KIF1A: variants seen among roughly 807,000 people sequenced by gnomAD.
KIF1A encodes the protein kinesin-like protein KIF1A.
Under a neutral mutation model 227.3 loss-of-function variants are expected in KIF1A, and 46 were observed. That is an observed-to-expected ratio of 0.20 (90% CI 0.16 to 0.26). The LOEUF is 0.26. KIF1A is among the 10% of genes least tolerant of loss of function. The pLI is 1.00. For synonymous variants in KIF1A, 1,022 were observed against 1,012.8 expected, an observed-to-expected ratio of 1.01 and a Z score of -0.17; for missense variants, 1,683 against 2,485.9, an observed-to-expected ratio of 0.68 and a Z score of 6.87.
chr2:240,769,193 G>A lies in KIF1A; in HGVS notation c.1437C>T (p.Ala479=), dbSNP rs375180690. ...CCTCCCTCATGGCCACACCCATCTC[G>A]GCCAGCAGGGCTTCCCTGGGGGAAC... is the stretch of plus-strand genomic sequence containing the variant. ...AIRMEREALL[A]EMGVAMREDG... is the part of the protein sequence containing the mutation. Residue 479 remains alanine, a synonymous_variant, in exon 17 of 49, where the codon GCC becomes GCT. Transcript: ENST00000498729. 3.6e-4 allele frequency: 582 copies of A among 1,609,758 alleles called. No homozygotes were observed. The highest frequency in any genetic ancestry group is 1.3e-3 in the Middle Eastern group (8 of 5,994).
In KIF1A at chr2:240,794,873, CAT is replaced by C. The variant is rs1290031771; in HGVS notation, c.106+2772_106+2773del. Among the ~76,000 whole-genome samples the C allele has an allele frequency of 4.6e-5, 7 of 152,298 alleles. No homozygotes were observed. In the East Asian group the frequency reaches 1.2e-3, roughly 25 times the overall value. On this transcript the variant is annotated intron_variant, in intron 2 of 48. Coordinates refer to ENST00000498729, the MANE Select transcript of KIF1A (RefSeq NM_001244008.2). The stretch of plus-strand genomic sequence containing the variant: ...GCTACAGTGGGCAGGACACTGATCT[CAT>C]GTGTTGTTTGGGCTCTGTGGCTCTT...
rs2047301858 is a variant in KIF1A at position 240,736,186 on chromosome 2, C to T, written c.4007+877G>A. Among the ~76,000 whole-genome samples the T allele has an allele frequency of 6.6e-6, 1 of 152,174 alleles. No homozygotes were observed. The highest frequency in any genetic ancestry group is 6.5e-5 in the Admixed American group (1 of 15,292). The stretch of plus-strand genomic sequence containing the variant: ...ACCCTCCTTCCTTATGACCCTGACC[C>T]TCCTTGCAGGGAGGCCCTCAAAGAC... On this transcript the variant is annotated intron_variant, in intron 38 of 48. Coordinates refer to ENST00000498729, the MANE Select transcript of KIF1A (RefSeq NM_001244008.2). The surrounding 1 kb of genome is among the most constrained non-coding windows in gnomAD (Gnocchi z 4.7).
Position 240,792,150 on chromosome 2 carries a change from G to T in KIF1A, c.107-2838C>A, listed in dbSNP as rs1193642741. 1.3e-5 allele frequency among the ~76,000 whole-genome samples: 2 copies of T among 152,166 alleles called. No individual in the cohort carries two copies. The highest frequency in any genetic ancestry group is 1.3e-4 in the Admixed American group (2 of 15,296). On this transcript the variant is annotated intron_variant, in intron 2 of 48. Coordinates refer to ENST00000498729, the MANE Select transcript of KIF1A (RefSeq NM_001244008.2). The surrounding 1 kb of genome is among the most constrained non-coding windows in gnomAD (Gnocchi z 4.5). ...ACGCACAGCCAGACTAGAAGCCAGG[G>T]TCCCCGCAACACCTCCCAGCCCTGA...
chr2:240,773,825 C>A (rs2052353084), intron 12 of KIF1A, among the ~76,000 whole-genome samples: 1 of 152,120 alleles, frequency 6.6e-6, no homozygotes, highest in South Asian at 2.1e-4. Context: ...GCCCACCCTG[C>A]CCATAAGACA....
chr2:240,741,503 C>T (rs2047963066), intron 34 of KIF1A, 126 bp from the exon 35 acceptor site: 2 of 688,212 alleles, frequency 2.9e-6, no homozygotes, highest in African/African-American at 3.6e-5. Context: ...TCCCCCTCCT[C>T]AAGGGAAACA....
intron 6 of KIF1A, among the ~76,000 whole-genome samples, chr2:240,786,037 C>G (rs914260808): frequency 6.6e-6 from 1 of 152,142 alleles, no homozygotes; most frequent in Non-Finnish European, 1.5e-5. Flanking sequence ...AGAGCAGCTG[C>G]CCCATCGAAG....
chr2:240,745,974 G>C, intron 30 of KIF1A, 65 bp from the exon 31 acceptor site: 2 of 1,595,962 alleles, frequency 1.3e-6, no homozygotes, highest in Non-Finnish European at 1.7e-6. Context: ...CACAGGCCTG[G>C]GCCGGGCTCA....
Position 240,775,934 on chromosome 2 carries a change from G to A in KIF1A, c.883-8C>T, listed in dbSNP as rs372514891. ...CTTCTTCTTTTTCTTGTTCTGTGGGGGAGGAACATTCAAGGTCAAGCCCGA... is the reference window on the plus strand; with the variant it reads ...CTTCTTCTTTTTCTTGTTCTGTGGGAGAGGAACATTCAAGGTCAAGCCCGA... On this transcript the variant is annotated splice_region_variant and splice_polypyrimidine_tract_variant and intron_variant, in intron 10 of 48. Transcript: ENST00000498729. This position sits in a 1 kb window ranked among gnomAD's most constrained non-coding sequence, Gnocchi z 5.5. 3 of 1,595,910 alleles carry A rather than the reference G, an allele frequency of 1.9e-6. No homozygotes were observed. Among genetic ancestry groups the A allele is most frequent in the Admixed American group, 1.7e-5 (1 of 59,962 alleles).
intron 1 of KIF1A, among the ~76,000 whole-genome samples, chr2:240,806,904 T>G (rs552848766): frequency 1.3e-5 from 2 of 152,054 alleles, no homozygotes; most frequent in East Asian, 3.9e-4. Context: ...CTATACAAAC[T>G]CTTTATGAGA....
At position 240,783,113 on chromosome 2, in the gene KIF1A, C is replaced by T. The variant is rs759945798; in HGVS notation, c.799-4G>A. On this transcript the variant is annotated splice_region_variant and splice_polypyrimidine_tract_variant and intron_variant, in intron 8 of 48. Coordinates refer to ENST00000498729, the MANE Select transcript of KIF1A (RefSeq NM_001244008.2). ...ACTTGTTGATGTTGGCCCCCTCCTGCGGGCAGAAAAGACAGTGGGGTTGGG... is the reference window on the plus strand; with the variant it reads ...ACTTGTTGATGTTGGCCCCCTCCTGTGGGCAGAAAAGACAGTGGGGTTGGG... 35 of 1,612,504 alleles carry T rather than the reference C, an allele frequency of 2.2e-5. 1 individual carries two copies. The highest frequency in any genetic ancestry group is 4.0e-5 in the African/African-American group (3 of 74,882).
intron 20 of KIF1A, 72 bp downstream of exon 20, chr2:240,765,638 T>C (rs2051077591): frequency 8.0e-7 from 1 of 1,249,410 alleles, no homozygotes; most frequent in South Asian, 1.2e-5. Flanking sequence ...AGGCGGTGGC[T>C]TGGACATGGG....
At chr2:240,776,436 C>G (rs2052735296) in intron 10 of KIF1A, among the ~76,000 whole-genome samples, 1 of 152,240 alleles carries the variant, frequency 6.6e-6, no homozygotes, top group Non-Finnish European at 1.5e-5. Context: ...CGCCCTCTCC[C>G]CCATCAAACT....
rs560969568 is a variant in KIF1A, at chr2:240,752,272, A to G, written c.2859-1725T>C. On this transcript the variant is annotated intron_variant, in intron 27 of 48. Transcript: ENST00000498729. The surrounding 1 kb of genome is among the most constrained non-coding windows in gnomAD (Gnocchi z 6.4). Reference sequence around the variant, plus strand: ...ACTTAGGTGTGGGGGCTGGAGCTCCACTGCCCTGGGCCACCCACCCAGGTT... The same window carrying G: ...ACTTAGGTGTGGGGGCTGGAGCTCCGCTGCCCTGGGCCACCCACCCAGGTT... Among the ~76,000 whole-genome samples the G allele has an allele frequency of 5.9e-5, 9 of 152,028 alleles. No individual in the cohort carries two copies. The highest frequency in any genetic ancestry group is 2.2e-4 in the African/African-American group (9 of 41,468).
chr2:240,746,546 A>G (rs990659417), intron 29 of KIF1A, among the ~76,000 whole-genome samples: 1 of 152,150 alleles, frequency 6.6e-6, no homozygotes, highest in African/African-American at 2.4e-5. Flanking sequence ...CATCCCCAAT[A>G]CTGACAGCCC....
intron 30 of KIF1A, 24 bp downstream of exon 30, chr2:240,746,015 G>T: frequency 6.2e-7 from 1 of 1,606,590 alleles, no homozygotes; most frequent in Non-Finnish European, 8.5e-7. Context: ...CCTACGCCCT[G>T]GGCAGCTGGG....
At chr2:240,722,694 A>G (rs746268730) in intron 42 of KIF1A, 38 bp from the exon 43 acceptor site, 1 of 1,447,234 alleles carries the variant, frequency 6.9e-7, no homozygotes, top group Non-Finnish European at 9.2e-7. Flanking sequence ...GCTGCACCTC[A>G]GGGGTGACCT....
rs866211603 is a variant in KIF1A, at chr2:240,722,625, C to T, written c.4496G>A (p.Arg1499Gln). 11 of 1,560,016 alleles carry T rather than the reference C, an allele frequency of 7.1e-6. No homozygotes were observed. The highest frequency in any genetic ancestry group is 2.4e-5 in the South Asian group (2 of 84,596). ...CCGCTGGGCGGTCTCCAGCTTCTCC[C>T]GCAGGAGCAGGTAGTGCCTAGTCTT... ...VEKTRHYLLL[R>Q]EKLETAQRPV... The change falls in exon 43 of 49, where the codon CGG becomes CAG. Residue 1499 changes from arginine to glutamine, a missense_variant. Physicochemically the swap from Arg to Gln is conservative, Grantham distance 43 (BLOSUM62 1). Coordinates refer to ENST00000498729, the MANE Select transcript of KIF1A (RefSeq NM_001244008.2).
At chr2:240,768,402 G>A (rs894428079) in intron 17 of KIF1A, among the ~76,000 whole-genome samples, 3 of 152,248 alleles carry the variant, frequency 2.0e-5, no homozygotes, top group Non-Finnish European at 4.4e-5. Flanking sequence ...CTCAGCGCGT[G>A]CTGGGCCGGC....
intron 1 of KIF1A, among the ~76,000 whole-genome samples, chr2:240,802,096 G>GAA (rs11367239): frequency 6.9e-5 from 7 of 101,690 alleles, no homozygotes; most frequent in Non-Finnish European, 1.1e-4. Flanking sequence ...AAGTCAGCCA[G>GAA]AAAAAAAAAA....
Sources: allele counts gnomAD v4.1 joint callset (sites outside exome capture counted in the v4.1 genomes callset), GRCh38; gene constraint gnomAD v4.1.1; non-coding constraint Gnocchi (gnomAD v3.1); transcripts MANE v1.5; gene names NCBI Gene and HGNC (gene_info 2026-07-23, HGNC 2026-07-21).